The following ADAM9 variants were observed in gnomAD, a reference collection of about 807,000 sequenced individuals.
ADAM9 encodes disintegrin and metalloproteinase domain-containing protein 9.
A neutral mutation model predicts 108.1 loss-of-function variants in ADAM9; 54 were observed. That is an observed-to-expected ratio of 0.50 (90% CI 0.40 to 0.63). The LOEUF is 0.63. Ranked by LOEUF, ADAM9 falls within the 20% of genes least tolerant of loss-of-function variation. The pLI is 0.00. For missense variants in ADAM9, 830 were observed against 997.7 expected (o/e 0.83, Z 2.26); for synonymous variants, 316 against 336.0 (o/e 0.94, Z 0.65).
chr8:39,020,513 A>G (rs966512516), intron 7 of ADAM9, among the ~76,000 whole-genome samples: 3 of 152,360 alleles, frequency 2.0e-5, no homozygotes, highest in Non-Finnish European at 1.5e-5. Flanking sequence ...TTCTTCTGCT[A>G]AATTGGTTAT....
intron 14 of ADAM9, among the ~76,000 whole-genome samples, chr8:39,070,922 C>T (rs1353487604): frequency 6.6e-6 from 1 of 152,156 alleles, no homozygotes. Context: ...TCCAACCCTT[C>T]CTAGCTGATC....
intron 4 of ADAM9, 68 bp from the exon 5 acceptor site, chr8:39,016,050 C>G: frequency 1.4e-6 from 2 of 1,447,084 alleles, no homozygotes; most frequent in Middle Eastern, 2.1e-4. Context: ...TTTGTTAGCT[C>G]TGCAATTTCT....
Position 39,103,597 on chromosome 8 carries a change from C to T in ADAM9, c.2367-10C>T. 1 of 1,613,328 alleles carries T rather than the reference C, an allele frequency of 6.2e-7. No individual in the cohort carries two copies. The highest frequency in any genetic ancestry group is 8.5e-7 in the Non-Finnish European group (1 of 1,179,356). On this transcript the variant is annotated splice_polypyrimidine_tract_variant and intron_variant, in intron 21 of 21. Transcript: ENST00000487273. ...AAACACTCTATTAACTATCTCTTTT[C>T]CCCTCGCAGGCCACCTCCACCACAA...
chr8:39,027,656 C>A (rs920419835), intron 11 of ADAM9, among the ~76,000 whole-genome samples: 1 of 152,140 alleles, frequency 6.6e-6, no homozygotes, highest in African/African-American at 2.4e-5. Flanking sequence ...AATGCAGATT[C>A]GTTGTAATGC....
intron 18 of ADAM9, among the ~76,000 whole-genome samples, chr8:39,087,916 A>G (rs1015874503): frequency 2.0e-5 from 3 of 152,246 alleles, no homozygotes; most frequent in African/African-American, 7.2e-5. Context: ...AAGACTTACC[A>G]ATAACATAAA....
At chr8:39,066,530 G>T (rs1199549147) in intron 14 of ADAM9, among the ~76,000 whole-genome samples, 2 of 152,170 alleles carry the variant, frequency 1.3e-5, no homozygotes, top group Admixed American at 1.3e-4. Flanking sequence ...TCATGTGTCT[G>T]TTGGCTTCAT....
chr8:39,050,917 C>A (rs973161185), intron 12 of ADAM9, among the ~76,000 whole-genome samples: 1 of 149,196 alleles, frequency 6.7e-6, no homozygotes, highest in African/African-American at 2.5e-5. Flanking sequence ...GTTTGAACAA[C>A]CACCTTCATT....
intron 18 of ADAM9, among the ~76,000 whole-genome samples, chr8:39,084,220 A>G (rs80322200): frequency 0.02 from 2,985 of 152,178 alleles, 58 homozygotes; most frequent in Middle Eastern, 0.054. Context: ...TCACTGATTC[A>G]AGTATTCAAG....
At chr8:39,056,182 A>G (rs1838117273) in intron 14 of ADAM9, among the ~76,000 whole-genome samples, 1 of 152,010 alleles carries the variant, frequency 6.6e-6, no homozygotes, top group Non-Finnish European at 1.5e-5. Flanking sequence ...TCTCTTACTG[A>G]TAGATATTTG....
chr8:39,044,988 ATG>A lies in ADAM9; in HGVS notation c.1302+2878_1302+2879del, dbSNP rs998588604. On this transcript the variant is annotated intron_variant, in intron 12 of 21. Coordinates refer to ENST00000487273, the MANE Select transcript of ADAM9 (RefSeq NM_003816.3). ...TGCACACATACCTATGTATGTGTAT[ATG>A]TGTGTGCACACATACCTATGTATGT... 1.6e-4 allele frequency among the ~76,000 whole-genome samples: 16 copies of A among 97,990 alleles called. 1 individual carries two copies. The highest frequency in any genetic ancestry group is 4.0e-4 in the African/African-American group (10 of 25,272). 64.3% of individuals were successfully genotyped at this position (97,990 alleles called of 152,430 possible).
intron 2 of ADAM9, among the ~76,000 whole-genome samples, chr8:39,010,348 G>A (rs1288850820): frequency 6.6e-6 from 1 of 152,158 alleles, no homozygotes; most frequent in African/African-American, 2.4e-5. Flanking sequence ...CTGGCCCACT[G>A]GAGACTGAGG....
chr8:39,056,523 A>G (rs1838128546), intron 14 of ADAM9, among the ~76,000 whole-genome samples: 1 of 152,052 alleles, frequency 6.6e-6, no homozygotes, highest in African/African-American at 2.4e-5. Flanking sequence ...ACCTATGCTG[A>G]TTTTCCATTC....
rs1415199920 is a variant in ADAM9, at chr8:39,105,190, T to G, written c.*1490T>G. 1 of 443,412 alleles carries G rather than the reference T, an allele frequency of 2.3e-6. No individual in the cohort carries two copies. The highest frequency in any genetic ancestry group is 2.5e-5 in the Admixed American group (1 of 40,112). The allele number at this position is 443,412 out of a possible 1,614,324, so 27.5% of individuals were successfully genotyped here. A position where few individuals can be genotyped will look rare whatever the true frequency, so the allele number is the denominator to read the frequency against. ...GATTAGTTTTGAAGAAGGCAAAAAT[T>G]TCAGTTTTCTGAAGACAGCATGTTA... On this transcript the variant is annotated 3_prime_UTR_variant, in exon 22 of 22. Transcript: ENST00000487273.
intron 7 of ADAM9, 104 bp from the exon 8 acceptor site, chr8:39,021,539 C>T: frequency 3.0e-6 from 3 of 1,014,652 alleles, no homozygotes; most frequent in Middle Eastern, 4.1e-4. Flanking sequence ...CCGCCTGGGC[C>T]TCTCAAAATG....
chr8:39,022,093 TGTGTGAGAGAGA>T (rs1419265100), intron 8 of ADAM9, among the ~76,000 whole-genome samples: 4 of 150,390 alleles, frequency 2.7e-5, no homozygotes, highest in Admixed American at 6.6e-5. Context: ...TGTGTGTGTG[TGTGTGAGAGAGA>T]GAGAGAGAGA....
chr8:39,056,932 C>T (rs572561218), intron 14 of ADAM9, among the ~76,000 whole-genome samples: 7 of 152,128 alleles, frequency 4.6e-5, no homozygotes, highest in South Asian at 4.2e-4. Flanking sequence ...AGTCATATAC[C>T]GCATAACAAC....
chr8:39,041,871 G>T lies in ADAM9; in HGVS notation c.1131-75G>T, dbSNP rs1350187842. 1.0e-4 allele frequency: 144 copies of T among 1,390,170 alleles called. No homozygotes were observed. In the East Asian group the frequency reaches 3.2e-3, roughly 31 times the overall value. The allele number at this position is 1,390,170 out of a possible 1,614,324, so 86.1% of individuals were successfully genotyped here. On this transcript the variant is annotated intron_variant, in intron 11 of 21. Transcript: ENST00000487273. ...CATTTAAAATATTCACATTTTGTGG[G>T]TTAAAGTCATGACTTAACATTTTCA...
At chr8:39,035,050 T>C (rs1837225008) in intron 11 of ADAM9, among the ~76,000 whole-genome samples, 1 of 152,236 alleles carries the variant, frequency 6.6e-6, no homozygotes, top group Non-Finnish European at 1.5e-5. Context: ...TTGCTGTCTC[T>C]CTTACGCCTC....
chr8:39,033,138 A>G (rs1440552708), intron 11 of ADAM9, among the ~76,000 whole-genome samples: 1 of 152,152 alleles, frequency 6.6e-6, no homozygotes, highest in African/African-American at 2.4e-5. Flanking sequence ...TCTTATACAT[A>G]TTTTGTTAGA....
Sources: gnomAD v4.1 joint callset for allele counts (sites outside exome capture counted in the v4.1 genomes callset) on GRCh38, gnomAD v4.1.1 for gene constraint, MANE v1.5 for transcripts, NCBI Gene and HGNC (gene_info 2026-07-23, HGNC 2026-07-21) for gene names.